The following ZNF333 variants were observed in gnomAD, a reference collection of about 807,000 sequenced individuals.
ZNF333 encodes zinc finger protein 333.
ZNF333 carries 61 observed loss-of-function variants against 76.1 expected under a neutral mutation model. That is an observed-to-expected ratio of 0.80 (90% CI 0.65 to 0.99). The LOEUF (loss-of-function observed/expected upper bound fraction) is 0.99. ZNF333 is among the 50% of genes least tolerant of loss of function. The pLI, the probability that ZNF333 is intolerant of heterozygous loss-of-function variation, is 0.00. For missense variants in ZNF333, 717 were observed against 822.4 expected (o/e 0.87, Z 1.57); for synonymous variants, 284 against 305.0 (o/e 0.93, Z 0.72).
chr19:14,718,279 C>T lies in ZNF333; in HGVS notation c.952C>T (p.Pro318Ser), dbSNP rs113838859. Reference protein sequence around the residue: ...KLYKYNELEKPFNSIEPLFQY... With the variant: ...KLYKYNELEKSFNSIEPLFQY... The stretch of plus-strand genomic sequence containing the variant: ...CTATAAATATAATGAACTTGAGAAA[C>T]CTTTTAACAGCATTGAACCACTTTT... The change falls in exon 12 of 12, where the codon CCT becomes TCT. Residue 318 changes from proline to serine, a missense_variant. Coordinates refer to ENST00000292530, the MANE Select transcript of ZNF333 (RefSeq NM_032433.4). 3.1e-6 allele frequency: 5 copies of T among 1,614,076 alleles called. No individual in the cohort carries two copies. The highest frequency in any genetic ancestry group is 2.7e-5 in the African/African-American group (2 of 75,026).
downstream of ZNF333, among the ~76,000 whole-genome samples, chr19:14,722,315 C>G (rs975278040): frequency 3.3e-5 from 5 of 152,284 alleles, no homozygotes; most frequent in Middle Eastern, 3.4e-3. Context: ...GGTCATGTGA[C>G]TTTCTTTGGC....
At chr19:14,696,413 C>T (rs1271353596) in intron 4 of ZNF333, among the ~76,000 whole-genome samples, 1 of 152,128 alleles carries the variant, frequency 6.6e-6, no homozygotes, top group Non-Finnish European at 1.5e-5. Flanking sequence ...CCTATATAGA[C>T]ATTTGTATAT....
chr19:14,715,667 A>C (rs886383397), intron 8 of ZNF333, among the ~76,000 whole-genome samples, 197 bp downstream of exon 8: 1 of 152,148 alleles, frequency 6.6e-6, no homozygotes, highest in Non-Finnish European at 1.5e-5. Context: ...CAGGCTGCTG[A>C]GCACCAGGAG....
At chr19:14,701,197 G>C (rs2041947142) in intron 5 of ZNF333, among the ~76,000 whole-genome samples, 1 of 152,162 alleles carries the variant, frequency 6.6e-6, no homozygotes, top group Non-Finnish European at 1.5e-5. Flanking sequence ...ATCCGATGTG[G>C]TGGTTGCGGT....
In ZNF333 at chr19:14,720,344, C is replaced by G. The variant is rs1227131843; in HGVS notation, c.*1019C>G. On this transcript the variant is annotated 3_prime_UTR_variant, in exon 12 of 12. Transcript: ENST00000292530. ...CAGGGATGGTTTCATGTAGCCACAT[C>G]TCTCCACTTCTTGCCTTTTGGACAA... The G allele has an allele frequency of 1.0e-6, 1 of 985,288 alleles. No individual in the cohort carries two copies. The highest frequency in any genetic ancestry group is 1.7e-5 in the African/African-American group (1 of 57,230). The allele number at this position is 985,288 out of a possible 1,614,324, so 61.0% of individuals were successfully genotyped here.
intron 5 of ZNF333, among the ~76,000 whole-genome samples, chr19:14,703,596 C>T (rs985744973): frequency 1.5e-4 from 23 of 152,162 alleles, no homozygotes. Flanking sequence ...CCATGCCACA[C>T]AGGTCCACAC....
chr19:14,697,440 C>T (rs1017550847), intron 4 of ZNF333, among the ~76,000 whole-genome samples: 10 of 146,092 alleles, frequency 6.8e-5, no homozygotes, highest in Non-Finnish European at 1.2e-4. Flanking sequence ...TAGGTCACTG[C>T]AGCCTCAGCC....
In ZNF333 at chr19:14,695,132, G is replaced by T. The variant is rs1388928219; in HGVS notation, c.126G>T (p.Arg42Ser). The stretch of plus-strand genomic sequence containing the variant: ...ACCAGTGCAGGACCCTGGCCTCCAG[G>T]GGTAAGGCTGGCGTCACCTGGCTCC... ...MLDQCRTLAS[R>S]GTPPCKPSCV... Residue 42 changes from arginine (R) to serine (S), a missense_variant and splice_region_variant, in exon 3 of 12, where the codon AGG becomes AGT. Coordinates refer to ENST00000292530, the MANE Select transcript of ZNF333 (RefSeq NM_032433.4). 1.2e-6 allele frequency: 2 copies of T among 1,613,002 alleles called. No homozygotes were observed. Among genetic ancestry groups the T allele is most frequent in the Non-Finnish European group, 1.7e-6 (2 of 1,179,256 alleles).
In ZNF333 at chr19:14,719,616, C is replaced by T. The variant is rs1199263786; in HGVS notation, c.*291C>T. 8.8e-7 allele frequency: 1 copy of T among 1,141,206 alleles called. No homozygotes were observed. Among genetic ancestry groups the T allele is most frequent in the African/African-American group, 1.6e-5 (1 of 61,852 alleles). 70.7% of individuals were successfully genotyped at this position (1,141,206 alleles called of 1,614,324 possible). ...CAGATGCATACATGCATGTAACCAC[C>T]ACCCCATTCCAGATATAGAATGTTT... On this transcript the variant is annotated 3_prime_UTR_variant, in exon 12 of 12. Transcript: ENST00000292530.
intron 5 of ZNF333, among the ~76,000 whole-genome samples, chr19:14,699,760 A>C (rs1370149180): frequency 6.6e-6 from 1 of 152,082 alleles, no homozygotes; most frequent in African/African-American, 2.4e-5. Context: ...CATTTTAATA[A>C]ATGTGAGTCA....
In ZNF333 at chr19:14,716,094, G is replaced by A. The variant is rs2042422407; in HGVS notation, c.601-18G>A. On this transcript the variant is annotated intron_variant, in intron 8 of 11. Coordinates refer to ENST00000292530, the MANE Select transcript of ZNF333 (RefSeq NM_032433.4). Reference sequence around the variant, plus strand: ...TGGGGGTGGTCCCTGGCTGAGCCGGGATGGATGTGTGTTTTAGGAACCAGT... The same window carrying A: ...TGGGGGTGGTCCCTGGCTGAGCCGGAATGGATGTGTGTTTTAGGAACCAGT... 1 of 1,613,870 alleles carries A rather than the reference G, an allele frequency of 6.2e-7. No homozygotes were observed. The highest frequency in any genetic ancestry group is 1.1e-5 in the South Asian group (1 of 91,068).
chr19:14,708,091 T>A, intron 7 of ZNF333: 1 of 392,942 alleles, frequency 2.5e-6, no homozygotes, highest in Non-Finnish European at 4.5e-6. Flanking sequence ...CACTGCAACC[T>A]CTGCCTCCCG....
chr19:14,698,929 T>TAGATAGATAGATAG (rs1164090491), intron 4 of ZNF333, among the ~76,000 whole-genome samples: 1 of 137,592 alleles, frequency 7.3e-6, no homozygotes, highest in Admixed American at 7.2e-5. Flanking sequence ...TATATATATA[T>TAGATAGATAGATAG]ATATATACAC....
downstream of ZNF333, among the ~76,000 whole-genome samples, chr19:14,724,469 TA>T (rs1435524484): frequency 2.0e-5 from 3 of 152,142 alleles, no homozygotes; most frequent in African/African-American, 7.2e-5. Context: ...TTTTCTCCAT[TA>T]AAAAGTTTGT....
At chr19:14,704,941 C>A (rs34156991) in intron 5 of ZNF333, 113 bp from the exon 6 acceptor site, 168,697 of 911,412 alleles carry the variant, frequency 0.19, 16,857 homozygotes, top group Middle Eastern at 0.21. Flanking sequence ...CTGCACCCAT[C>A]CCCATTTGCC....
intron 4 of ZNF333, 86 bp downstream of exon 4, chr19:14,695,747 C>G: frequency 1.7e-6 from 2 of 1,198,202 alleles, no homozygotes; most frequent in East Asian, 2.4e-5. Flanking sequence ...TTCAAAGGCC[C>G]TTTGTTCTGA....
chr19:14,700,525 T>G (rs1178822693), intron 5 of ZNF333, among the ~76,000 whole-genome samples: 1 of 152,174 alleles, frequency 6.6e-6, no homozygotes, highest in African/African-American at 2.4e-5. Flanking sequence ...GATCCCACAC[T>G]GGAAGGAAGC....
intron 1 of ZNF333, among the ~76,000 whole-genome samples, chr19:14,691,108 A>G (rs961877498): frequency 3.3e-5 from 5 of 152,084 alleles, no homozygotes; most frequent in African/African-American, 1.2e-4. Flanking sequence ...CAAAAACAAC[A>G]ACAAAAGGAG....
chr19:14,720,875 GT>G lies in ZNF333; in HGVS notation c.*1555del. The G allele has an allele frequency of 1.1e-6, 1 of 935,450 alleles. No homozygotes were observed. The highest frequency in any genetic ancestry group is 1.3e-6 in the Non-Finnish European group (1 of 784,680). The allele number at this position is 935,450 out of a possible 1,614,324, so 57.9% of individuals were successfully genotyped here. The stretch of plus-strand genomic sequence containing the variant: ...CTGAAAAATCTTTGTCATTCTGTCA[GT>G]TTTTAAATTTATGTATATACATACA... On this transcript the variant is annotated 3_prime_UTR_variant, in exon 12 of 12. Transcript: ENST00000292530.
Sources: allele counts gnomAD v4.1 joint callset (sites outside exome capture counted in the v4.1 genomes callset), GRCh38; gene constraint gnomAD v4.1.1; transcripts MANE v1.5; gene names NCBI Gene and HGNC (gene_info 2026-07-23, HGNC 2026-07-21).